Variants in STRN observed in about 807,000 individuals in gnomAD.
STRN encodes striatin.
In STRN, 53 loss-of-function variants were observed where a neutral mutation model predicts 96.3. That is an observed-to-expected ratio of 0.55 (90% confidence interval 0.44 to 0.69). STRN has a LOEUF of 0.69. Ranked by LOEUF, STRN falls within the 30% of genes least tolerant of loss-of-function variation. The pLI, the probability that STRN is intolerant of heterozygous loss-of-function variation, is 0.00. For missense variants in STRN, 987 were observed against 963.9 expected, an observed-to-expected ratio of 1.02 and a Z score of -0.32; for synonymous variants, 428 against 355.9, an observed-to-expected ratio of 1.20 and a Z score of -2.28.
chr2:36,857,719 A>C (rs1447038092), intron 14 of STRN, 137 bp downstream of exon 14: 3 of 735,086 alleles, frequency 4.1e-6, no homozygotes, highest in Non-Finnish European at 6.2e-6. Context: ...TTGGAAATTC[A>C]AACAAATACA....
At chr2:36,892,659 G>T (rs888565223) in intron 7 of STRN, among the ~76,000 whole-genome samples, 2 of 152,056 alleles carry the variant, frequency 1.3e-5, no homozygotes, top group Non-Finnish European at 2.9e-5. Context: ...ATCATGAAAG[G>T]CTGGACCCAA....
intron 1 of STRN, among the ~76,000 whole-genome samples, chr2:36,941,852 C>T (rs892728397): frequency 2.0e-5 from 3 of 151,958 alleles, no homozygotes; most frequent in African/African-American, 7.3e-5. Flanking sequence ...CGCACCCAGC[C>T]CTATTATTTT....
intron 9 of STRN, among the ~76,000 whole-genome samples, chr2:36,880,327 TA>T (rs1249816330): frequency 1.3e-5 from 2 of 152,146 alleles, no homozygotes; most frequent in Non-Finnish European, 2.9e-5. Context: ...TAGTCCTAGC[TA>T]ACTGGAAGGC....
chr2:36,952,931 A>G (rs532741925), intron 1 of STRN, among the ~76,000 whole-genome samples: 2 of 152,176 alleles, frequency 1.3e-5, no homozygotes, highest in Non-Finnish European at 2.9e-5. Flanking sequence ...TAACCTTCTC[A>G]TTTAGGAAGT....
chr2:36,941,683 G>T (rs1472000303), intron 1 of STRN, among the ~76,000 whole-genome samples: 1 of 149,938 alleles, frequency 6.7e-6, no homozygotes, highest in Non-Finnish European at 1.5e-5. Flanking sequence ...CTAAGTAGTT[G>T]GGATTACAGG....
rs1667856976 is a variant in STRN, at chr2:36,837,822, A to G, written c.*11634T>C. ...AGAAAATCTGAACATATATTGTACA[A>G]CATACAAAATGCTTTCACAAACTAG... is the stretch of plus-strand genomic sequence containing the variant. On this transcript the variant is annotated 3_prime_UTR_variant, in exon 18 of 18. Coordinates refer to ENST00000263918, the MANE Select transcript of STRN (RefSeq NM_003162.4). 6.6e-6 allele frequency among the ~76,000 whole-genome samples: 1 copy of G among 152,250 alleles called. No homozygotes were observed. The highest frequency in any genetic ancestry group is 6.5e-5 in the Admixed American group (1 of 15,284).
At chr2:36,906,293 T>A (rs184873067) in intron 3 of STRN, among the ~76,000 whole-genome samples, 1 of 151,344 alleles carries the variant, frequency 6.6e-6, no homozygotes, top group African/African-American at 2.4e-5. Flanking sequence ...GAGTAAACCC[T>A]GTCTCTACAA....
chr2:36,876,286 T>A (rs995762165), intron 10 of STRN, among the ~76,000 whole-genome samples: 4 of 150,250 alleles, frequency 2.7e-5, no homozygotes, highest in African/African-American at 9.8e-5. Context: ...AAAAAAAAAA[T>A]TTTTTTTTTG....
intron 7 of STRN, among the ~76,000 whole-genome samples, chr2:36,893,008 A>G (rs193059583): frequency 3.9e-5 from 6 of 152,016 alleles, no homozygotes; most frequent in Non-Finnish European, 5.9e-5. Context: ...TGACAGAGTG[A>G]GACTCGGTAT....
chr2:36,902,371 T>C (rs1281020125), intron 5 of STRN, among the ~76,000 whole-genome samples: 1 of 152,192 alleles, frequency 6.6e-6, no homozygotes, highest in Non-Finnish European at 1.5e-5. Context: ...AATATCTGTA[T>C]TAAATAAATA....
intron 1 of STRN, among the ~76,000 whole-genome samples, chr2:36,926,393 C>T (rs1002563183): frequency 6.6e-6 from 1 of 152,138 alleles, no homozygotes; most frequent in Non-Finnish European, 1.5e-5. Flanking sequence ...CCACCACGTC[C>T]GTCTATTATA....
rs1442090032 is a variant in STRN at position 36,841,796 on chromosome 2, C to T, written c.*7660G>A. On this transcript the variant is annotated 3_prime_UTR_variant, in exon 18 of 18. Coordinates refer to ENST00000263918, the MANE Select transcript of STRN (RefSeq NM_003162.4). ...CTCTAGGATACTTTTGATATATTTC[C>T]TAAAAATATTTAATTTAGATAACAA... The T allele has an allele frequency of 6.6e-6, 1 of 152,144 alleles. No individual in the cohort carries two copies. 9.4% of individuals were successfully genotyped at this position (152,144 alleles called of 1,614,324 possible). A position where few individuals can be genotyped will look rare whatever the true frequency, so the allele number is the denominator to read the frequency against.
At chr2:36,886,904 T>C (rs1437418711) in intron 7 of STRN, 78 bp from the exon 8 acceptor site, 3 of 1,091,894 alleles carry the variant, frequency 2.7e-6, no homozygotes, top group East Asian at 5.2e-5. Context: ...CTGAATGACG[T>C]AACAACCACT....
chr2:36,861,645 G>C (rs1668483295), intron 12 of STRN, among the ~76,000 whole-genome samples: 1 of 151,830 alleles, frequency 6.6e-6, no homozygotes, highest in Non-Finnish European at 1.5e-5. Flanking sequence ...TATATAAAAA[G>C]TATGCCAATC....
rs1175469487 is a variant in STRN, at chr2:36,847,824, CATT to C, written c.*1629_*1631del. On this transcript the variant is annotated 3_prime_UTR_variant, in exon 18 of 18. Coordinates refer to ENST00000263918, the MANE Select transcript of STRN (RefSeq NM_003162.4). ...TAGATGTACGTATCATGAGAAGCAT[CATT>C]GTTATGACGATGGAAAATGTGGGGA... is the stretch of plus-strand genomic sequence containing the variant. 4 of 152,106 alleles carry C rather than the reference CATT, an allele frequency of 2.6e-5. No individual in the cohort carries two copies. Among genetic ancestry groups the C allele is most frequent in the Non-Finnish European group, 5.9e-5 (4 of 68,012 alleles). 9.4% of individuals were successfully genotyped at this position (152,106 alleles called of 1,614,324 possible).
intron 9 of STRN, among the ~76,000 whole-genome samples, chr2:36,878,438 G>T (rs1035059708): frequency 3.3e-5 from 5 of 152,108 alleles, no homozygotes; most frequent in Non-Finnish European, 5.9e-5. Flanking sequence ...TAACCTAGAA[G>T]AATATAGAAA....
Position 36,841,985 on chromosome 2 carries a change from T to G in STRN, c.*7471A>C, listed in dbSNP as rs1667964179. ...TTCTTTCCCCACACTCTCACCCAAGTTATCCAGCCCCCAAAATAAACTGTT... is the reference window on the plus strand; with the variant it reads ...TTCTTTCCCCACACTCTCACCCAAGGTATCCAGCCCCCAAAATAAACTGTT... On this transcript the variant is annotated 3_prime_UTR_variant, in exon 18 of 18. Transcript: ENST00000263918. 6.6e-6 allele frequency: 1 copy of G among 152,210 alleles called. No homozygotes were observed. The highest frequency in any genetic ancestry group is 2.1e-4 in the South Asian group (1 of 4,832). 9.4% of individuals were successfully genotyped at this position (152,210 alleles called of 1,614,324 possible). A position where few individuals can be genotyped will look rare whatever the true frequency, so the allele number is the denominator to read the frequency against.
At position 36,846,663 on chromosome 2, in the gene STRN, A is replaced by C. The variant is rs991607046; in HGVS notation, c.*2793T>G. ...TAACTAAAATGATTATAAAAGCGAA[A>C]TATTTTGCATAACTAAGTATTTGTT... On this transcript the variant is annotated 3_prime_UTR_variant, in exon 18 of 18. Coordinates refer to ENST00000263918, the MANE Select transcript of STRN (RefSeq NM_003162.4). The C allele has an allele frequency of 6.6e-6, 1 of 151,624 alleles. No homozygotes were observed. Among genetic ancestry groups the C allele is most frequent in the Non-Finnish European group, 1.5e-5 (1 of 67,922 alleles). 9.4% of individuals were successfully genotyped at this position (151,624 alleles called of 1,614,324 possible).
chr2:36,966,446 A>T lies in STRN; in HGVS notation c.18T>A (p.Gly6=). The T allele has an allele frequency of 6.8e-7, 1 of 1,460,308 alleles. No individual in the cohort carries two copies. The highest frequency in any genetic ancestry group is 9.0e-7 in the Non-Finnish European group (1 of 1,107,998). 90.5% of individuals were successfully genotyped at this position (1,460,308 alleles called of 1,614,324 possible). A position where few individuals can be genotyped will look rare whatever the true frequency, so the allele number is the denominator to read the frequency against. Residue 6 remains glycine (G), a synonymous_variant, in exon 1 of 18, where the codon GGT becomes GGA. Coordinates refer to ENST00000263918, the MANE Select transcript of STRN (RefSeq NM_003162.4). MDEQA[G]PGVFFSNNHP... ...GGTTGTTGCTGAAGAAGACGCCGGG[A>T]CCCGCCTGCTCGTCCATGGCGGCCG...
Sources: allele counts gnomAD v4.1 joint callset (sites outside exome capture counted in the v4.1 genomes callset), GRCh38; gene constraint gnomAD v4.1.1; transcripts MANE v1.5; gene names NCBI Gene and HGNC (gene_info 2026-07-23, HGNC 2026-07-21).